ANKS1B: variants seen among roughly 807,000 people sequenced by gnomAD.
ANKS1B encodes ankyrin repeat and sterile alpha motif domain containing 1B, also known as ankyrin repeat and sterile alpha motif domain-containing protein 1B.
ANKS1B carries 36 observed loss-of-function variants against 148.3 expected under a neutral mutation model. The ratio of observed to expected loss-of-function variants is 0.24; its 90% CI spans 0.19 to 0.32. The LOEUF (loss-of-function observed/expected upper bound fraction) is 0.32. ANKS1B is among the 10% of genes least tolerant of loss of function. The pLI is 1.00. For synonymous variants in ANKS1B, 542 were observed against 560.8 expected, an observed-to-expected ratio of 0.97 and a Z score of 0.47; for missense variants, 1,157 against 1,542.6, an observed-to-expected ratio of 0.75 and a Z score of 4.19.
intron 1 of ANKS1B, among the ~76,000 whole-genome samples, chr12:99,864,093 A>G: frequency 6.6e-6 from 1 of 151,358 alleles, no homozygotes; most frequent in East Asian, 1.9e-4. Context: ...AAAAAAAAAA[A>G]AAAAAAAAGT....
intron 1 of ANKS1B, among the ~76,000 whole-genome samples, chr12:99,826,998 G>T (rs1234914633): frequency 6.6e-6 from 1 of 151,724 alleles, no homozygotes; most frequent in Non-Finnish European, 1.5e-5. Flanking sequence ...GCACACTTGT[G>T]GTCCCAGCTA....
intron 14 of ANKS1B, among the ~76,000 whole-genome samples, chr12:99,220,242 C>T (rs2084880853): frequency 6.6e-6 from 1 of 152,066 alleles, no homozygotes; most frequent in African/African-American, 2.4e-5. Flanking sequence ...TCATAATCCA[C>T]CTGCCTTGGC....
chr12:99,845,386 T>C (rs2086484375), intron 1 of ANKS1B, among the ~76,000 whole-genome samples: 1 of 152,190 alleles, frequency 6.6e-6, no homozygotes, highest in African/African-American at 2.4e-5. Context: ...TCTTATTATT[T>C]TGAGGTATGT....
At chr12:99,412,767 T>A (rs995940839) in intron 11 of ANKS1B, among the ~76,000 whole-genome samples, 1 of 152,222 alleles carries the variant, frequency 6.6e-6, no homozygotes, top group Non-Finnish European at 1.5e-5. Flanking sequence ...AGAATTCTCA[T>A]ATTTCTCTGT....
At chr12:99,378,652 CAAAAAAAAAAA>C (rs140892353) in intron 12 of ANKS1B, among the ~76,000 whole-genome samples, 1 of 90,714 alleles carries the variant, frequency 1.1e-5, no homozygotes, top group Non-Finnish European at 2.4e-5. Context: ...GACTCCATCT[CAAAAAAAAAAA>C]AAAAAAAAAA....
chr12:98,805,945 C>T (rs1033264650), intron 20 of ANKS1B, among the ~76,000 whole-genome samples: 4 of 152,346 alleles, frequency 2.6e-5, no homozygotes, highest in African/African-American at 9.6e-5. Flanking sequence ...AATCTCGGTT[C>T]ATTGCAACCT....
chr12:99,592,631 G>A (rs1222083366), intron 9 of ANKS1B, among the ~76,000 whole-genome samples: 3 of 152,068 alleles, frequency 2.0e-5, no homozygotes, highest in Non-Finnish European at 4.4e-5. Flanking sequence ...AGACAATAAC[G>A]AGAAAAGAAA....
intron 1 of ANKS1B, among the ~76,000 whole-genome samples, chr12:99,923,016 C>A (rs1317258330): frequency 1.3e-5 from 2 of 151,826 alleles, no homozygotes; most frequent in Non-Finnish European, 2.9e-5. Flanking sequence ...TGGACTAAGA[C>A]AATGTATTAT....
chr12:99,803,295 G>A (rs2067201831), intron 4 of ANKS1B, among the ~76,000 whole-genome samples: 1 of 104,560 alleles, frequency 9.6e-6, no homozygotes, highest in African/African-American at 3.6e-5. Flanking sequence ...AAAAAAAAAG[G>A]CAATGAGACC....
chr12:99,090,132 T>G (rs1398942978), intron 15 of ANKS1B, among the ~76,000 whole-genome samples: 1 of 152,188 alleles, frequency 6.6e-6, no homozygotes, highest in Non-Finnish European at 1.5e-5. Context: ...ACTGTTAGGA[T>G]GCCCAAATAG....
chr12:98,853,250 G>A (rs376823838), intron 17 of ANKS1B, among the ~76,000 whole-genome samples: 37 of 152,298 alleles, frequency 2.4e-4, no homozygotes, highest in Middle Eastern at 3.4e-3. Context: ...ACAACTTGAC[G>A]GCTTTCACTC....
chr12:99,220,543 T>G (rs2084947070), intron 14 of ANKS1B, among the ~76,000 whole-genome samples: 1 of 147,272 alleles, frequency 6.8e-6, no homozygotes, highest in African/African-American at 2.5e-5. Flanking sequence ...GCCTCCCAGG[T>G]TCACACCATT....
chr12:99,539,999 G>C (rs1399926642), intron 9 of ANKS1B, among the ~76,000 whole-genome samples: 1 of 151,892 alleles, frequency 6.6e-6, no homozygotes, highest in Non-Finnish European at 1.5e-5. Context: ...ACAACCAAAA[G>C]ATAACTTCAG....
intron 1 of ANKS1B, among the ~76,000 whole-genome samples, chr12:99,967,597 C>A (rs2095501224): frequency 6.6e-6 from 1 of 151,954 alleles, no homozygotes; most frequent in African/African-American, 2.4e-5. Flanking sequence ...CTTCTTCTTT[C>A]ACTATGTAAT....
In ANKS1B at chr12:99,405,076, A is replaced by G. The variant is rs2094500095; in HGVS notation, c.1576-5265T>C. Among the ~76,000 whole-genome samples the G allele has an allele frequency of 1.4e-5, 2 of 145,920 alleles. 1 individual carries two copies. The highest frequency in any genetic ancestry group is 5.2e-5 in the African/African-American group (2 of 38,566). Reference sequence around the variant, plus strand: ...TGAAAATATCCTTCAAACATGAAGGAGAAATAAAGACTTTCCCAGACAAAC... The same window carrying G: ...TGAAAATATCCTTCAAACATGAAGGGGAAATAAAGACTTTCCCAGACAAAC... On this transcript the variant is annotated intron_variant, in intron 11 of 26. Coordinates refer to ENST00000683438, the MANE Select transcript of ANKS1B (RefSeq NM_001352186.2).
chr12:99,639,167 T>C (rs974413065), intron 9 of ANKS1B, among the ~76,000 whole-genome samples: 1 of 152,198 alleles, frequency 6.6e-6, no homozygotes, highest in Non-Finnish European at 1.5e-5. Flanking sequence ...CTAGTAGAGA[T>C]TGTTTTAGAA....
chr12:99,534,518 GTTAA>G (rs1229782862), intron 9 of ANKS1B, among the ~76,000 whole-genome samples: 1 of 152,054 alleles, frequency 6.6e-6, no homozygotes, highest in Non-Finnish European at 1.5e-5. Context: ...CACTTATTTG[GTTAA>G]TTAATATACA....
In ANKS1B at chr12:98,765,108, C is replaced by T. The variant is rs61933567; in HGVS notation, c.3579+7934G>A. 8.9e-3 allele frequency among the ~76,000 whole-genome samples: 1,351 copies of T among 152,344 alleles called. 6 individuals carry two copies. Among genetic ancestry groups the T allele is most frequent in the Non-Finnish European group, 0.014 (966 of 68,024 alleles). On this transcript the variant is annotated intron_variant, in intron 25 of 26. Coordinates refer to ENST00000683438, the MANE Select transcript of ANKS1B (RefSeq NM_001352186.2). Reference sequence around the variant, plus strand: ...ACAAGAATATAAGCATCACTATTAACTGCTTCTGCTATTCTCTGTGTCCTC... The same window carrying T: ...ACAAGAATATAAGCATCACTATTAATTGCTTCTGCTATTCTCTGTGTCCTC...
At chr12:98,954,401 T>G (rs1020244470) in intron 17 of ANKS1B, 2 of 152,224 alleles carry the variant, frequency 1.3e-5, no homozygotes, top group Non-Finnish European at 2.9e-5. Flanking sequence ...AGTTTGAATG[T>G]AACCTCTTCA....
Sources: gnomAD v4.1 joint callset for allele counts (sites outside exome capture counted in the v4.1 genomes callset) on GRCh38, gnomAD v4.1.1 for gene constraint, MANE v1.5 for transcripts, NCBI Gene and HGNC (gene_info 2026-07-23, HGNC 2026-07-21) for gene names.